The following CORIN variants were observed in gnomAD, a reference collection of about 807,000 sequenced individuals.
CORIN encodes the protein atrial natriuretic peptide-converting enzyme.
In CORIN, 117 loss-of-function variants were observed where a neutral mutation model predicts 125.3. That is an observed-to-expected ratio of 0.93 (90% CI 0.80 to 1.09). The LOEUF (loss-of-function observed/expected upper bound fraction) is 1.09. CORIN is among the 50% of genes least tolerant of loss of function. The pLI is 0.00. For synonymous variants in CORIN, 450 were observed against 466.4 expected (o/e 0.96, Z 0.45); for missense variants, 1,253 against 1,306.7 (o/e 0.96, Z 0.63).
At chr4:47,685,863 T>C (rs1162578239) in intron 6 of CORIN, among the ~76,000 whole-genome samples, 1 of 150,884 alleles carries the variant, frequency 6.6e-6, no homozygotes, top group Admixed American at 6.6e-5. Flanking sequence ...TTCAAGCAGA[T>C]GAAATAGCAA....
At chr4:47,833,633 G>C (rs1421495664) in intron 1 of CORIN, among the ~76,000 whole-genome samples, 1 of 151,860 alleles carries the variant, frequency 6.6e-6, no homozygotes, top group Admixed American at 6.6e-5. Flanking sequence ...TATAAAGTGG[G>C]AGAAAATATT....
At chr4:47,664,574 AG>A (rs1198111278) in intron 11 of CORIN, among the ~76,000 whole-genome samples, 1 of 152,198 alleles carries the variant, frequency 6.6e-6, no homozygotes, top group Non-Finnish European at 1.5e-5. Context: ...AAACAGGCAG[AG>A]AAATGTCAGC....
At chr4:47,597,897 C>T (rs1439442733) in intron 21 of CORIN, among the ~76,000 whole-genome samples, 2 of 152,090 alleles carry the variant, frequency 1.3e-5, no homozygotes, top group African/African-American at 4.8e-5. Context: ...ACAAGGATAA[C>T]CACATGAAAG....
At chr4:47,661,252 T>A (rs1724236679) in intron 12 of CORIN, among the ~76,000 whole-genome samples, 1 of 152,102 alleles carries the variant, frequency 6.6e-6, no homozygotes. Context: ...ATGAATAAGA[T>A]CTAGTATTTG....
At chr4:47,837,451 G>A in intron 1 of CORIN, 2 of 263,000 alleles carry the variant, frequency 7.6e-6, no homozygotes, top group South Asian at 4.0e-5. Context: ...GGAAGCTGTA[G>A]ATCCCCGAGG....
rs1468735498 is a variant in CORIN at position 47,650,672 on chromosome 4, T to C, written c.1843+2881A>G. Among the ~76,000 whole-genome samples the C allele has an allele frequency of 2.6e-5, 4 of 152,212 alleles. No homozygotes were observed. In the East Asian group the frequency reaches 7.7e-4, roughly 29 times the overall value. On this transcript the variant is annotated intron_variant, in intron 13 of 21. Coordinates refer to ENST00000273857, the MANE Select transcript of CORIN (RefSeq NM_006587.4). ...TGCATGGCTATCAATGCTTGGAAAA[T>C]GTTACGTTGAAAATAAACTCATTTA...
At chr4:47,830,818 T>C (rs988266817) in intron 1 of CORIN, among the ~76,000 whole-genome samples, 1 of 152,182 alleles carries the variant, frequency 6.6e-6, no homozygotes. Context: ...TCTCTATCTA[T>C]GACACTTCAG....
rs554825245 is a variant in CORIN at position 47,693,264 on chromosome 4, C to T, written c.800-181G>A. On this transcript the variant is annotated intron_variant, in intron 5 of 21. Coordinates refer to ENST00000273857, the MANE Select transcript of CORIN (RefSeq NM_006587.4). ...CCTAGCACATTAATTGAAAAATTAC[C>T]TGGAAATAATACAAAGAGTGATTGC... Among the ~76,000 whole-genome samples the T allele has an allele frequency of 2.0e-5, 3 of 152,080 alleles. No homozygotes were observed. In the East Asian group the frequency reaches 5.8e-4, roughly 29 times the overall value.
At chr4:47,598,239 C>T (rs1721324317) in intron 21 of CORIN, among the ~76,000 whole-genome samples, 1 of 152,016 alleles carries the variant, frequency 6.6e-6, no homozygotes, top group East Asian at 1.9e-4. Context: ...CCTGTTGATA[C>T]AATTAAGGAA....
At chr4:47,628,466 GTGTGTGT>G (rs964346777) in intron 16 of CORIN, among the ~76,000 whole-genome samples, 4 of 151,860 alleles carry the variant, frequency 2.6e-5, no homozygotes, top group Admixed American at 2.0e-4. Context: ...GTGTGTGTGT[GTGTGTGT>G]TAAGAACACT....
intron 16 of CORIN, 59 bp downstream of exon 16, chr4:47,641,860 CT>C: frequency 6.3e-7 from 1 of 1,579,454 alleles, no homozygotes; most frequent in Non-Finnish European, 8.6e-7. Context: ...GAAGATATTA[CT>C]GCCAAGTTCC....
At chr4:47,813,778 A>G (rs898282134) in intron 1 of CORIN, among the ~76,000 whole-genome samples, 2 of 152,236 alleles carry the variant, frequency 1.3e-5, no homozygotes, top group Non-Finnish European at 2.9e-5. Flanking sequence ...TAGTCAACAC[A>G]GTCTGTGAAC....
chr4:47,736,895 C>G (rs6825078), intron 5 of CORIN, among the ~76,000 whole-genome samples: 26,462 of 152,200 alleles, frequency 0.17, 2,979 homozygotes, highest in Non-Finnish European at 0.25. Flanking sequence ...CAGCCAGATA[C>G]TAAGGGGCCA....
chr4:47,781,781 T>C (rs555156913), intron 3 of CORIN, among the ~76,000 whole-genome samples: 1 of 151,514 alleles, frequency 6.6e-6, no homozygotes, highest in East Asian at 2.0e-4. Flanking sequence ...CTAGTAAAAA[T>C]ACAAAAATTA....
intron 5 of CORIN, among the ~76,000 whole-genome samples, chr4:47,707,154 G>A (rs1726609086): frequency 6.6e-6 from 1 of 152,118 alleles, no homozygotes; most frequent in African/African-American, 2.4e-5. Context: ...AAGTGGTGGT[G>A]TATCTTGTTT....
chr4:47,660,826 G>T lies in CORIN; in HGVS notation c.1735+885C>A, dbSNP rs115065822. Among the ~76,000 whole-genome samples the T allele has an allele frequency of 4.4e-3, 668 of 152,210 alleles. 4 individuals carry two copies. Among genetic ancestry groups the T allele is most frequent in the African/African-American group, 0.015 (638 of 41,544 alleles). ...CATGACCCAGCAATCCCACTGCTAG[G>T]TATATACCTAAAAGAAAGGAAACCA... On this transcript the variant is annotated intron_variant, in intron 12 of 21. Transcript: ENST00000273857.
chr4:47,767,323 A>G (rs1729804145), intron 3 of CORIN, among the ~76,000 whole-genome samples: 1 of 152,044 alleles, frequency 6.6e-6, no homozygotes, highest in East Asian at 1.9e-4. Context: ...ACCCACACGC[A>G]CAGAATACAA....
chr4:47,638,726 T>C (rs186716373), intron 16 of CORIN, among the ~76,000 whole-genome samples: 3 of 152,326 alleles, frequency 2.0e-5, no homozygotes, highest in Middle Eastern at 3.4e-3. Flanking sequence ...CTCGGGTATG[T>C]CTTTATTAGC....
intron 3 of CORIN, among the ~76,000 whole-genome samples, chr4:47,785,909 CAAAAAAAA>C (rs11313881): frequency 6.0e-4 from 48 of 80,494 alleles, no homozygotes; most frequent in African/African-American, 2.5e-3. Flanking sequence ...GACTCCATCT[CAAAAAAAA>C]AAAAAAAAAA....
Sources: allele counts gnomAD v4.1 joint callset (sites outside exome capture counted in the v4.1 genomes callset), GRCh38; gene constraint gnomAD v4.1.1; transcripts MANE v1.5; gene names NCBI Gene and HGNC (gene_info 2026-07-23, HGNC 2026-07-21).